Variants in EMX2 observed in about 807,000 individuals in gnomAD.
EMX2 encodes the protein homeobox protein EMX2.
In EMX2, 6 loss-of-function variants were observed where a neutral mutation model predicts 23.0. The ratio of observed to expected loss-of-function variants is 0.26; its 90% CI spans 0.14 to 0.52. EMX2 has a LOEUF of 0.52. Among genes scored for constraint, EMX2 ranks in the 20% least tolerant of loss-of-function variants. EMX2 has a pLI of 0.97. For missense variants in EMX2, 302 were observed against 341.4 expected, an observed-to-expected ratio of 0.88 and a Z score of 0.91; for synonymous variants, 175 against 153.3, an observed-to-expected ratio of 1.14 and a Z score of -1.04.
Position 117,542,818 on chromosome 10 carries a change from G to A in EMX2, c.-450G>A, listed in dbSNP as rs1163140147. ...TAGGGCGCCCTGCCCGCCTTTTGCA[G>A]AGGAGAAAAAACTTTTTTTTTTTTT... On this transcript the variant is annotated 5_prime_UTR_variant, in exon 1 of 3. Transcript: ENST00000553456. The A allele has an allele frequency of 3.0e-5, 4 of 131,242 alleles. No homozygotes were observed. In the Admixed American group the frequency reaches 3.5e-4, roughly 11 times the overall value. 8.1% of individuals were successfully genotyped at this position (131,242 alleles called of 1,614,324 possible). A position where few individuals can be genotyped will look rare whatever the true frequency, so the allele number is the denominator to read the frequency against.
At chr10:117,544,671 T>A (rs907631915) in intron 1 of EMX2, 20 of 152,204 alleles carry the variant, frequency 1.3e-4, no homozygotes, top group Admixed American at 9.2e-4. Context: ...CCCCATATTT[T>A]AAAAAATCAA....
chr10:117,544,185 T>G, intron 1 of EMX2: 1 of 176,428 alleles, frequency 5.7e-6, no homozygotes, highest in Non-Finnish European at 1.2e-5. Flanking sequence ...GGCGAGAGGA[T>G]CCTCGCGCCC....
rs766457972 is a variant in EMX2, at chr10:117,543,703, G to A, written c.406+30G>A. On this transcript the variant is annotated intron_variant, in intron 1 of 2. Transcript: ENST00000553456. The stretch of plus-strand genomic sequence containing the variant: ...GTGCCACGTCGCGGAACTGCAGCGC[G>A]CCGCTCCCGCCGCATCCTTCACTGC... 1.0e-5 allele frequency: 16 copies of A among 1,591,838 alleles called. No individual in the cohort carries two copies. The South Asian group carries it at 1.3e-4, about 13-fold the overall frequency.
In EMX2 at chr10:117,549,066, G is replaced by C. The variant is rs371551174; in HGVS notation, c.*834G>C. The C allele has an allele frequency of 1.9e-5, 3 of 158,338 alleles. No homozygotes were observed. The highest frequency in any genetic ancestry group is 7.2e-5 in the African/African-American group (3 of 41,716). The allele number at this position is 158,338 out of a possible 1,614,324, so 9.8% of individuals were successfully genotyped here. On this transcript the variant is annotated 3_prime_UTR_variant, in exon 3 of 3. Transcript: ENST00000553456. ...CAGAGAAACGGGGAGCAGGACGACG[G>C]GGGGGCTGGGGGTGGCGGGGGAGGG...
At chr10:117,547,289 G>A (rs1028876345) in intron 2 of EMX2, among the ~76,000 whole-genome samples, 1 of 152,220 alleles carries the variant, frequency 6.6e-6, no homozygotes, top group Non-Finnish European at 1.5e-5. Flanking sequence ...TTTAGAAGGA[G>A]GGAAGAGGGG....
intron 2 of EMX2, 84 bp from the exon 3 acceptor site, chr10:117,547,981 G>C: frequency 6.5e-7 from 1 of 1,535,924 alleles, no homozygotes; most frequent in Non-Finnish European, 8.8e-7. Context: ...TGGAACTGGA[G>C]TCTGGGCTGG....
chr10:117,543,304 G>C lies in EMX2; in HGVS notation c.37G>C (p.Glu13Gln), dbSNP rs766915981. 3.9e-6 allele frequency: 6 copies of C among 1,550,358 alleles called. No individual in the cohort carries two copies. In the Middle Eastern group the frequency reaches 5.0e-4, roughly 130 times the overall value. ...GGCGCCCAAGCGCTGCTTCACCATC[G>C]AGTCGCTGGTGGCCAAGGACAGTCC... Reference protein sequence around the residue: ...QPAPKRCFTIESLVAKDSPLP... With the variant: ...QPAPKRCFTIQSLVAKDSPLP... Residue 13 changes from glutamate to glutamine, a missense_variant, in exon 1 of 3, where the codon GAG becomes CAG. By Grantham distance (29) the Glu-to-Gln change is conservative. Transcript: ENST00000553456.
At chr10:117,546,370 C>T (rs1335697369) in intron 2 of EMX2, among the ~76,000 whole-genome samples, 3 of 152,254 alleles carry the variant, frequency 2.0e-5, no homozygotes, top group Admixed American at 6.5e-5. Flanking sequence ...GGGTCTGCCT[C>T]AGGGCACAGG....
rs571175685 is a variant in EMX2 at position 117,548,306 on chromosome 10, C to A, written c.*74C>A. ...CAGGGAGAGGTGGAGAAGGAAAAAA[C>A]CCTACAAAACAAAAACAAACCGCAT... On this transcript the variant is annotated 3_prime_UTR_variant, in exon 3 of 3. Transcript: ENST00000553456. 3 of 1,567,098 alleles carry A rather than the reference C, an allele frequency of 1.9e-6. No individual in the cohort carries two copies. The highest frequency in any genetic ancestry group is 1.9e-4 in the Middle Eastern group (1 of 5,386).
Position 117,543,161 on chromosome 10 carries a change from C to T in EMX2, c.-107C>T. The stretch of plus-strand genomic sequence containing the variant: ...CACCCCCACCCCCACCCCAAACAAA[C>T]GAGTCCCCAATTCTCGTCCGTCCTC... On this transcript the variant is annotated 5_prime_UTR_variant, in exon 1 of 3. The change creates a new upstream start codon in the 5' untranslated region. Coordinates refer to ENST00000553456, the MANE Select transcript of EMX2 (RefSeq NM_004098.4). 6.5e-6 allele frequency: 2 copies of T among 308,984 alleles called. No individual in the cohort carries two copies. Among genetic ancestry groups the T allele is most frequent in the Non-Finnish European group, 1.0e-5 (2 of 199,258 alleles). 19.1% of individuals were successfully genotyped at this position (308,984 alleles called of 1,614,324 possible). A position where few individuals can be genotyped will look rare whatever the true frequency, so the allele number is the denominator to read the frequency against.
chr10:117,544,047 G>C (rs1277805494), intron 1 of EMX2, among the ~76,000 whole-genome samples: 1 of 152,208 alleles, frequency 6.6e-6, no homozygotes, highest in East Asian at 1.9e-4. Context: ...AACCGTCCTG[G>C]CTCCGAGGGG....
chr10:117,545,860 C>T (rs770023898), intron 2 of EMX2, 44 bp downstream of exon 2: 16 of 1,612,342 alleles, frequency 9.9e-6, no homozygotes, highest in Middle Eastern at 3.3e-4. Flanking sequence ...GGCGTGCGCC[C>T]CCTCCCCAAA....
At chr10:117,544,715 C>T (rs1451943242) in intron 1 of EMX2, 1 of 152,140 alleles carries the variant, frequency 6.6e-6, no homozygotes, top group East Asian at 1.9e-4. Flanking sequence ...AGCCTTTTAC[C>T]CTTAATCCCG....
intron 2 of EMX2, among the ~76,000 whole-genome samples, chr10:117,546,686 G>T (rs1035018236): frequency 6.6e-6 from 1 of 152,252 alleles, no homozygotes; most frequent in Non-Finnish European, 1.5e-5. Flanking sequence ...CCGAGGCGGC[G>T]GTGGTCTTTG....
In EMX2 at chr10:117,543,465, C is replaced by T; in HGVS notation, c.198C>T (p.Asn66=). 1 of 1,609,870 alleles carries T rather than the reference C, an allele frequency of 6.2e-7. No homozygotes were observed. The highest frequency in any genetic ancestry group is 8.5e-7 in the Non-Finnish European group (1 of 1,178,536). ...CCGCCGGTAGGGGCGTCTACTCCAA[C>T]CCGGACTTGGTGTTCGCCGAGGCGG... ...AAAAGRGVYS[N]PDLVFAEAVS... The change falls in exon 1 of 3, where the codon AAC becomes AAT. Residue 66 remains asparagine (N), a synonymous_variant. Coordinates refer to ENST00000553456, the MANE Select transcript of EMX2 (RefSeq NM_004098.4).
chr10:117,548,249 C>A lies in EMX2; in HGVS notation c.*17C>A, dbSNP rs775346279. The A allele has an allele frequency of 1.2e-6, 2 of 1,612,786 alleles. No homozygotes were observed. Among genetic ancestry groups the A allele is most frequent in the Non-Finnish European group, 8.5e-7 (1 of 1,179,434 alleles). On this transcript the variant is annotated 3_prime_UTR_variant, in exon 3 of 3. Coordinates refer to ENST00000553456, the MANE Select transcript of EMX2 (RefSeq NM_004098.4). ...GATGATTAAAAACATAAACCTAACC[C>A]CACAGAAACGGACAACATGGAGCAA...
chr10:117,543,484 G>A lies in EMX2; in HGVS notation c.217G>A (p.Glu73Lys). 1 of 1,609,614 alleles carries A rather than the reference G, an allele frequency of 6.2e-7. No individual in the cohort carries two copies. The stretch of plus-strand genomic sequence containing the variant: ...CTCCAACCCGGACTTGGTGTTCGCC[G>A]AGGCGGTCTCGCACCCGCCCAACCC... The part of the protein sequence containing the change: ...VYSNPDLVFA[E>K]AVSHPPNPAV... The change falls in exon 1 of 3, where the codon GAG (glutamate) becomes AAG (lysine). Residue 73 changes from glutamate to lysine, a missense_variant. By Grantham distance (56) the Glu-to-Lys change is moderately conservative (BLOSUM62 1). This residue lies in a region of EMX2 where 221 missense variants were observed against 206.8 expected (regional missense o/e 1.07). Coordinates refer to ENST00000553456, the MANE Select transcript of EMX2 (RefSeq NM_004098.4).
chr10:117,548,419 C>T lies in EMX2; in HGVS notation c.*187C>T. On this transcript the variant is annotated 3_prime_UTR_variant, in exon 3 of 3. Coordinates refer to ENST00000553456, the MANE Select transcript of EMX2 (RefSeq NM_004098.4). ...GACAGCGAGGGCACAGGGTCCCAAA[C>T]CGAGGCCGCGCCAAGATGGCAGAGG... 1.1e-6 allele frequency: 1 copy of T among 913,208 alleles called. No individual in the cohort carries two copies. 56.6% of individuals were successfully genotyped at this position (913,208 alleles called of 1,614,324 possible).
rs1157290006 is a variant in EMX2, at chr10:117,543,790, G to T, written c.406+117G>T. On this transcript the variant is annotated intron_variant, in intron 1 of 2. Transcript: ENST00000553456. ...GGGCGGAGGTTCCTCCGGCTCGCGGGCCAGCGCGCCCTGTTGGGAAACTAG... is the reference window on the plus strand; with the variant it reads ...GGGCGGAGGTTCCTCCGGCTCGCGGTCCAGCGCGCCCTGTTGGGAAACTAG... 1.1e-5 allele frequency: 16 copies of T among 1,515,092 alleles called. No homozygotes were observed. In the South Asian group the frequency reaches 1.7e-4, roughly 16 times the overall value. 93.9% of individuals were successfully genotyped at this position (1,515,092 alleles called of 1,614,324 possible). A position where few individuals can be genotyped will look rare whatever the true frequency, so the allele number is the denominator to read the frequency against.
Sources: allele counts gnomAD v4.1 joint callset (sites outside exome capture counted in the v4.1 genomes callset), GRCh38; gene constraint gnomAD v4.1.1; regional missense constraint gnomAD v4.1.1; transcripts MANE v1.5; gene names NCBI Gene and HGNC (gene_info 2026-07-23, HGNC 2026-07-21).